Variants in PIAS4 observed in about 807,000 individuals in gnomAD.
The protein encoded by PIAS4 is E3 SUMO-protein ligase PIAS4.
In PIAS4, 7 loss-of-function variants were observed where a neutral mutation model predicts 58.0. That is an observed-to-expected ratio of 0.12 (90% CI 0.07 to 0.23). The LOEUF is 0.23. Among genes scored for constraint, PIAS4 ranks in the 10% least tolerant of loss-of-function variants. The probability of loss-of-function intolerance (pLI) is 1.00; values close to 1 mark genes in which losing one functional copy is unlikely to be tolerated. For missense variants in PIAS4, 550 were observed against 709.5 expected (o/e 0.78, Z 2.55); for synonymous variants, 364 against 312.4 (o/e 1.17, Z -1.74).
At chr19:4,015,542 G>A (rs1320678440) in intron 2 of PIAS4, among the ~76,000 whole-genome samples, 1 of 152,192 alleles carries the variant, frequency 6.6e-6, no homozygotes, top group Non-Finnish European at 1.5e-5. Context: ...CCGTGCTCTT[G>A]GGGGACTCCC....
At chr19:4,023,411 G>A (rs1394606735) in intron 2 of PIAS4, among the ~76,000 whole-genome samples, 3 of 152,220 alleles carry the variant, frequency 2.0e-5, no homozygotes, top group Non-Finnish European at 4.4e-5. Flanking sequence ...AGTCAGCCGA[G>A]ATCGTGCCAT....
Position 4,013,973 on chromosome 19 carries a change from C to T in PIAS4, c.454+624C>T, listed in dbSNP as rs1363243215. On this transcript the variant is annotated intron_variant, in intron 2 of 10. Coordinates refer to ENST00000262971, the MANE Select transcript of PIAS4 (RefSeq NM_015897.4). This position sits in a 1 kb window ranked among gnomAD's most constrained non-coding sequence, Gnocchi z 5.1. ...ATGCAGGGACCACACCAGGCTGTGACTGCCAGGGCCAGGGGTGACCAGGGC... is the reference window on the plus strand; with the variant it reads ...ATGCAGGGACCACACCAGGCTGTGATTGCCAGGGCCAGGGGTGACCAGGGC... Among the ~76,000 whole-genome samples the T allele has an allele frequency of 6.6e-6, 1 of 152,212 alleles. No homozygotes were observed.
chr19:4,025,703 T>C (rs1008909717), intron 3 of PIAS4, among the ~76,000 whole-genome samples: 5 of 152,184 alleles, frequency 3.3e-5, no homozygotes, highest in African/African-American at 1.2e-4. Context: ...TCCTTGTCTA[T>C]GTACCTGGGT....
chr19:4,038,453 G>C lies in PIAS4; in HGVS notation c.*578G>C, dbSNP rs2040327548. 6.6e-6 allele frequency: 1 copy of C among 151,814 alleles called. No individual in the cohort carries two copies. Among genetic ancestry groups the C allele is most frequent in the Admixed American group, 6.6e-5 (1 of 15,256 alleles). 9.4% of individuals were successfully genotyped at this position (151,814 alleles called of 1,614,324 possible). ...GGGTTGGGGCGGGGAGGGGCAGTAG[G>C]GTGGGGGGATGGGTGGGCAGGATGG... On this transcript the variant is annotated 3_prime_UTR_variant, in exon 11 of 11. Coordinates refer to ENST00000262971, the MANE Select transcript of PIAS4 (RefSeq NM_015897.4). The surrounding 1 kb of genome is among the most constrained non-coding windows in gnomAD (Gnocchi z 4.1).
intron 1 of PIAS4, 65 bp from the exon 2 acceptor site, chr19:4,012,858 C>A: frequency 6.6e-7 from 1 of 1,507,504 alleles, no homozygotes; most frequent in Non-Finnish European, 9.0e-7. Context: ...CGGGGCCTGG[C>A]CTCCATGGAG....
intron 4 of PIAS4, 75 bp downstream of exon 4, chr19:4,028,262 C>T (rs986090364): frequency 9.2e-6 from 11 of 1,193,010 alleles, no homozygotes; most frequent in Non-Finnish European, 1.3e-5. Flanking sequence ...CAGTCCTGGC[C>T]CAGGCCCTTC....
At chr19:4,012,470 G>A (rs910760918) in intron 1 of PIAS4, among the ~76,000 whole-genome samples, 1 of 152,122 alleles carries the variant, frequency 6.6e-6, no homozygotes, top group Non-Finnish European at 1.5e-5. Context: ...AAACATATCT[G>A]TGGCTGACAT....
chr19:4,011,691 G>T (rs1407641900), intron 1 of PIAS4, among the ~76,000 whole-genome samples: 4,905 of 121,576 alleles, frequency 0.04, 413 homozygotes, highest in African/African-American at 0.17. Context: ...GGAGGTGTGT[G>T]GGGTGTGGAG....
chr19:4,029,075 TC>T, intron 7 of PIAS4, 39 bp downstream of exon 7: 1 of 1,473,652 alleles, frequency 6.8e-7, no homozygotes, highest in Non-Finnish European at 9.3e-7. Context: ...GGGTGCCAAG[TC>T]CACCCTGGAA....
intron 7 of PIAS4, 92 bp from the exon 8 acceptor site, chr19:4,033,007 AG>A: frequency 1.0e-6 from 1 of 973,454 alleles, no homozygotes. Context: ...CTGTTCTGGG[AG>A]GTGGACGTCA....
In PIAS4 at chr19:4,037,647, C is replaced by G. The variant is rs1301389997; in HGVS notation, c.1305C>G (p.Ala435=). 1 of 1,611,750 alleles carries G rather than the reference C, an allele frequency of 6.2e-7. No homozygotes were observed. Among genetic ancestry groups the G allele is most frequent in the Non-Finnish European group, 8.5e-7 (1 of 1,179,778 alleles). ...GPSDANGLLP[A]PSVNGSGALG... ...CGGACGCCAATGGGCTCCTGCCCGC[C>G]CCCAGCGTCAACGGGAGCGGTGCCC... Residue 435 remains alanine (A), a synonymous_variant, in exon 11 of 11, where the codon GCC becomes GCG. Transcript: ENST00000262971. The surrounding 1 kb of genome is among the most constrained non-coding windows in gnomAD (Gnocchi z 5.8).
chr19:4,036,781 C>A (rs1288888635), intron 9 of PIAS4, among the ~76,000 whole-genome samples: 1 of 148,232 alleles, frequency 6.7e-6, no homozygotes, highest in African/African-American at 2.5e-5. Flanking sequence ...GTCACACACA[C>A]ACACACATCT....
At chr19:4,036,681 ACACATCCATATAGTCCACACCAT>A (rs2040295990) in intron 9 of PIAS4, among the ~76,000 whole-genome samples, 1 of 149,816 alleles carries the variant, frequency 6.7e-6, no homozygotes, top group African/African-American at 2.5e-5. Flanking sequence ...CCACACCGTC[ACACATCCATATAGTCCACACCAT>A]CATACACACA....
At chr19:4,028,434 A>T in intron 4 of PIAS4, 76 bp from the exon 5 acceptor site, 1 of 1,086,588 alleles carries the variant, frequency 9.2e-7, no homozygotes, top group Non-Finnish European at 1.4e-6. Context: ...CCTGGCTACC[A>T]CTCGTGTACC....
chr19:4,022,047 C>T (rs2040115125), intron 2 of PIAS4, among the ~76,000 whole-genome samples: 1 of 152,130 alleles, frequency 6.6e-6, no homozygotes, highest in Non-Finnish European at 1.5e-5. Context: ...CATGCCCAAT[C>T]TGGACCTGCA....
In PIAS4 at chr19:4,037,770, G is replaced by T; in HGVS notation, c.1428G>T (p.Ser476=). 1 of 1,604,166 alleles carries T rather than the reference G, an allele frequency of 6.2e-7. No individual in the cohort carries two copies. The highest frequency in any genetic ancestry group is 8.5e-7 in the Non-Finnish European group (1 of 1,175,922). The change falls in exon 11 of 11, where the codon TCG becomes TCT. Residue 476 remains serine, a synonymous_variant. Transcript: ENST00000262971. This position sits in a 1 kb window ranked among gnomAD's most constrained non-coding sequence, Gnocchi z 5.8. The part of the protein sequence containing the change: ...VDLTLDSSSS[S]EDEEEEEEEE... Reference sequence around the variant, plus strand: ...TCACGCTGGACAGCTCATCGTCCTCGGAGGATGAGGAGGAGGAGGAAGAGG... The same window carrying T: ...TCACGCTGGACAGCTCATCGTCCTCTGAGGATGAGGAGGAGGAGGAAGAGG...
rs1473860544 is a variant in PIAS4, at chr19:4,037,266, C to G, written c.1143-108C>G. The G allele has an allele frequency of 1.4e-6, 2 of 1,382,708 alleles. No homozygotes were observed. The highest frequency in any genetic ancestry group is 2.5e-5 in the Admixed American group (1 of 40,802). The allele number at this position is 1,382,708 out of a possible 1,614,324, so 85.7% of individuals were successfully genotyped here. On this transcript the variant is annotated intron_variant, in intron 9 of 10. Transcript: ENST00000262971. This position sits in a 1 kb window ranked among gnomAD's most constrained non-coding sequence, Gnocchi z 5.8. ...GGTCGGGGTGGTGAGGCTGCTCTTG[C>G]AGAGAGAAGTGGGGAGTGCCTGGCT...
At chr19:4,026,610 G>A (rs1010182946) in intron 3 of PIAS4, among the ~76,000 whole-genome samples, 3 of 151,758 alleles carry the variant, frequency 2.0e-5, no homozygotes, top group Admixed American at 6.6e-5. Flanking sequence ...TGGCCCCCAC[G>A]CATCCCCTCC....
intron 2 of PIAS4, among the ~76,000 whole-genome samples, chr19:4,022,040 G>T (rs562136581): frequency 6.8e-4 from 103 of 152,210 alleles, no homozygotes; most frequent in African/African-American, 2.5e-3. Context: ...GAGCCACCAT[G>T]CCCAATCTGG....
Sources: gnomAD v4.1 joint callset for allele counts (sites outside exome capture counted in the v4.1 genomes callset) on GRCh38, gnomAD v4.1.1 for gene constraint, Gnocchi (gnomAD v3.1) non-coding constraint, MANE v1.5 for transcripts, NCBI Gene and HGNC (gene_info 2026-07-23, HGNC 2026-07-21) for gene names.